TENM4: variants seen among roughly 807,000 people sequenced by gnomAD.
The protein encoded by TENM4 is teneurin transmembrane protein 4.
In TENM4, 82 loss-of-function variants were observed where a neutral mutation model predicts 243.3. The ratio of observed to expected loss-of-function variants is 0.34; its 90% CI spans 0.28 to 0.40. TENM4 has a LOEUF of 0.40. TENM4 is among the 10% of genes least tolerant of loss of function. TENM4 has a pLI of 1.00. For missense variants in TENM4, 3,138 were observed against 3,673.3 expected (o/e 0.85, Z 3.77); for synonymous variants, 1,412 against 1,456.3 (o/e 0.97, Z 0.69).
At chr11:78,708,604 C>T in intron 26 of TENM4, 89 bp from the exon 27 acceptor site, 1 of 1,456,314 alleles carries the variant, frequency 6.9e-7, no homozygotes, top group Non-Finnish European at 9.3e-7. Flanking sequence ...GACAGAGCAC[C>T]TCCTCTACAT....
chr11:78,805,277 T>TGCCCCA lies in TENM4; in HGVS notation c.2179+14_2179+15insTGGGGC. 1 of 1,402,550 alleles carries TGCCCCA rather than the reference T, an allele frequency of 7.1e-7. No individual in the cohort carries two copies. The highest frequency in any genetic ancestry group is 9.7e-7 in the Non-Finnish European group (1 of 1,033,116). 86.9% of individuals were successfully genotyped at this position (1,402,550 alleles called of 1,614,324 possible). A position where few individuals can be genotyped will look rare whatever the true frequency, so the allele number is the denominator to read the frequency against. On this transcript the variant is annotated intron_variant, in intron 15 of 33. Transcript: ENST00000278550. ...CCCCTCCCTCTACCCATGCTTCTTC[T>TGCCCCA]CCCCCTGCATTTACCGATAGAACAG... is the stretch of plus-strand genomic sequence containing the variant.
At chr11:79,353,734 A>C (rs1408996259) in intron 1 of TENM4, among the ~76,000 whole-genome samples, 1 of 148,676 alleles carries the variant, frequency 6.7e-6, no homozygotes, top group African/African-American at 2.5e-5. Flanking sequence ...GAGATATGTG[A>C]TTAAAATAGA....
intron 18 of TENM4, among the ~76,000 whole-genome samples, chr11:78,757,965 C>T (rs887954625): frequency 1.1e-4 from 16 of 152,156 alleles, no homozygotes; most frequent in African/African-American, 3.9e-4. Context: ...TCCCAAAGTA[C>T]AAAGAAAGTC....
At chr11:79,235,230 T>C (rs928728876) in intron 2 of TENM4, among the ~76,000 whole-genome samples, 7 of 152,118 alleles carry the variant, frequency 4.6e-5, no homozygotes, top group Non-Finnish European at 7.4e-5. Flanking sequence ...GGAGAATCGC[T>C]TGAACCTGGG....
chr11:78,808,680 G>A (rs1857438095), intron 14 of TENM4, among the ~76,000 whole-genome samples: 1 of 152,080 alleles, frequency 6.6e-6, no homozygotes, highest in African/African-American at 2.4e-5. Context: ...CTTAAAAATA[G>A]AAATCAAAAC....
At chr11:79,364,683 T>C (rs552354697) in intron 1 of TENM4, among the ~76,000 whole-genome samples, 24 of 152,326 alleles carry the variant, frequency 1.6e-4, no homozygotes, top group Non-Finnish European at 3.2e-4. Context: ...ATCCTAATTT[T>C]ACAACAAGAA....
intron 1 of TENM4, among the ~76,000 whole-genome samples, chr11:79,374,552 C>CTATATAGATATATATATCTATATAGA (rs1565320230): frequency 4.6e-5 from 7 of 150,834 alleles, no homozygotes; most frequent in African/African-American, 1.5e-4. Context: ...ATCTATATAT[C>CTATATAGATATATATATCTATATAGA]TATATAGATA....
At chr11:78,778,803 G>A (rs1856788200) in intron 16 of TENM4, among the ~76,000 whole-genome samples, 175 bp from the exon 17 acceptor site, 1 of 152,090 alleles carries the variant, frequency 6.6e-6, no homozygotes, top group African/African-American at 2.4e-5. Context: ...GAGAGGAGAA[G>A]GGAGAGCAAG....
intron 1 of TENM4, among the ~76,000 whole-genome samples, chr11:79,392,813 C>T (rs568853340): frequency 6.6e-6 from 1 of 152,310 alleles, no homozygotes; most frequent in African/African-American, 2.4e-5. Flanking sequence ...CTTCAGTCAC[C>T]CATCCTGACC....
intron 6 of TENM4, among the ~76,000 whole-genome samples, chr11:78,907,143 T>C (rs1011156755): frequency 6.6e-6 from 1 of 152,006 alleles, no homozygotes; most frequent in African/African-American, 2.4e-5. Flanking sequence ...AAGGAAAAGC[T>C]CTGTATTTGG....
Position 78,761,333 on chromosome 11 carries a change from G to A in TENM4, c.2540-4312C>T, listed in dbSNP as rs990759941. 2.6e-5 allele frequency among the ~76,000 whole-genome samples: 4 copies of A among 151,676 alleles called. No homozygotes were observed. The South Asian group carries it at 6.3e-4, about 24-fold the overall frequency. Reference sequence around the variant, plus strand: ...CGGCTCACTGCAAGCTCCGCCTCCCGGGTTCCCACCATTCTCCTGCCTCAG... The same window carrying A: ...CGGCTCACTGCAAGCTCCGCCTCCCAGGTTCCCACCATTCTCCTGCCTCAG... On this transcript the variant is annotated intron_variant, in intron 18 of 33. Transcript: ENST00000278550.
intron 2 of TENM4, among the ~76,000 whole-genome samples, chr11:79,268,498 T>C (rs142285385): frequency 1.1e-4 from 17 of 152,180 alleles, no homozygotes; most frequent in Non-Finnish European, 1.5e-4. Flanking sequence ...GAGATGTAAA[T>C]GAAATAAGGT....
intron 6 of TENM4, among the ~76,000 whole-genome samples, chr11:79,011,195 C>G (rs1310174158): frequency 6.6e-6 from 1 of 152,232 alleles, no homozygotes; most frequent in Non-Finnish European, 1.5e-5. Context: ...CGCATGGGCT[C>G]TGCCCCACCC....
At chr11:78,908,318 T>A (rs1045313771) in intron 6 of TENM4, among the ~76,000 whole-genome samples, 1 of 152,200 alleles carries the variant, frequency 6.6e-6, no homozygotes, top group Admixed American at 6.5e-5. Context: ...CCTTATAGGA[T>A]TGTTATGAGA....
At chr11:78,849,386 G>A (rs193270093) in intron 12 of TENM4, among the ~76,000 whole-genome samples, 157 of 152,262 alleles carry the variant, frequency 1.0e-3, no homozygotes, top group Admixed American at 2.4e-3. Flanking sequence ...AATAGTAACC[G>A]TGACAAATAG....
At chr11:79,434,070 C>A (rs534658712) in intron 1 of TENM4, among the ~76,000 whole-genome samples, 20 of 152,316 alleles carry the variant, frequency 1.3e-4, no homozygotes, top group African/African-American at 4.3e-4. Flanking sequence ...GACTAGCTAT[C>A]TAACTACAGG....
chr11:79,346,532 C>T (rs942492520), intron 1 of TENM4, among the ~76,000 whole-genome samples: 8 of 152,236 alleles, frequency 5.3e-5, no homozygotes, highest in Middle Eastern at 3.4e-3. Context: ...CACATACACA[C>T]GCTTATTCTA....
At chr11:79,257,612 G>C (rs1420008177) in intron 2 of TENM4, among the ~76,000 whole-genome samples, 1 of 152,234 alleles carries the variant, frequency 6.6e-6, no homozygotes, top group Non-Finnish European at 1.5e-5. Context: ...ACTAGAAATA[G>C]TTGACACGTG....
chr11:78,902,984 T>C (rs1027800742), intron 7 of TENM4, among the ~76,000 whole-genome samples: 3 of 152,168 alleles, frequency 2.0e-5, no homozygotes, highest in Non-Finnish European at 4.4e-5. Context: ...ATGGCCATTG[T>C]GTAGATAAGG....
Sources: allele counts gnomAD v4.1 joint callset (sites outside exome capture counted in the v4.1 genomes callset), GRCh38; gene constraint gnomAD v4.1.1; transcripts MANE v1.5; gene names NCBI Gene and HGNC (gene_info 2026-07-23, HGNC 2026-07-21).